Variants in CUL2 observed in about 807,000 individuals in gnomAD.
The protein encoded by CUL2 is cullin-2.
Under a neutral mutation model 110.2 loss-of-function variants are expected in CUL2, and 22 were observed. That is an observed-to-expected ratio of 0.20 (90% confidence interval 0.14 to 0.28). The LOEUF (loss-of-function observed/expected upper bound fraction) is 0.28, where lower values mean the gene tolerates loss of function less well. Among genes scored for constraint, CUL2 ranks in the 10% least tolerant of loss-of-function variants. The pLI, the probability that CUL2 is intolerant of heterozygous loss-of-function variation, is 1.00. For missense variants in CUL2, 631 were observed against 905.5 expected, an observed-to-expected ratio of 0.70 and a Z score of 3.89; for synonymous variants, 279 against 293.2, an observed-to-expected ratio of 0.95 and a Z score of 0.49.
In CUL2 at chr10:35,109,638, A is replaced by G. The variant is rs181263241; in HGVS notation, c.-50-8578T>C. Among the ~76,000 whole-genome samples, 29 of 152,368 alleles carry G rather than the reference A, an allele frequency of 1.9e-4. No homozygotes were observed. The South Asian group carries it at 3.5e-3, about 19-fold the overall frequency. On this transcript the variant is annotated intron_variant, in intron 1 of 5. Coordinates refer to the CUL2 transcript ENST00000685421. ...GGCCAGCCCCACAAACATTTGCAGA[A>G]CAAGATTTCCAAACAGTGGGAGCAG...
intron 2 of CUL2, among the ~76,000 whole-genome samples, chr10:35,066,928 G>A (rs1024224979): frequency 2.0e-5 from 3 of 152,068 alleles, no homozygotes; most frequent in African/African-American, 7.2e-5. Flanking sequence ...ACAGGTACTT[G>A]CCTCAATATT....
chr10:35,119,175 A>T (rs2087644614), intron 1 of CUL2, among the ~76,000 whole-genome samples: 1 of 152,236 alleles, frequency 6.6e-6, no homozygotes, highest in Non-Finnish European at 1.5e-5. Flanking sequence ...AAAGTTTGTT[A>T]AATAATTGTG....
Position 35,016,363 on chromosome 10 carries a change from T to C in CUL2, c.1716A>G (p.Pro572=), listed in dbSNP as rs1331880224. Residue 572 remains proline (P), a synonymous_variant, in exon 18 of 21, where the codon CCA becomes CCG. Transcript: ENST00000374749. The part of the protein sequence containing the change: ...GEVKMNYLGK[P]YVAMVTTYQM... ...GGTATGTTGTAACCATGGCTACATA[T>C]GGTTTGCCCAAATAGTTCATTTTAA... is the stretch of plus-strand genomic sequence containing the variant. 3 of 1,612,594 alleles carry C rather than the reference T, an allele frequency of 1.9e-6. No homozygotes were observed. Among genetic ancestry groups the C allele is most frequent in the South Asian group, 1.1e-5 (1 of 90,796 alleles).
intron 17 of CUL2, among the ~76,000 whole-genome samples, chr10:35,024,577 C>T (rs1301924289): frequency 6.6e-6 from 1 of 152,176 alleles, no homozygotes; most frequent in Non-Finnish European, 1.5e-5. Context: ...CACAATAATT[C>T]AGGTATTAAT....
chr10:35,106,310 T>C (rs903116840), intron 1 of CUL2, among the ~76,000 whole-genome samples: 2 of 151,646 alleles, frequency 1.3e-5, no homozygotes, highest in African/African-American at 4.9e-5. Flanking sequence ...TTTTGTTTTT[T>C]TTTTTGTGGG....
chr10:35,084,245 ACAG>A (rs1315969618), intron 1 of CUL2, among the ~76,000 whole-genome samples: 1 of 152,200 alleles, frequency 6.6e-6, no homozygotes, highest in Admixed American at 6.5e-5. Flanking sequence ...CCACTGCACT[ACAG>A]CTTGGGTGAC....
At chr10:35,119,905 C>T (rs1564759878) in intron 1 of CUL2, 1 of 152,150 alleles carries the variant, frequency 6.6e-6, no homozygotes, top group Non-Finnish European at 1.5e-5. Flanking sequence ...AAACTCTTTT[C>T]CTCAGACTAT....
intron 17 of CUL2, among the ~76,000 whole-genome samples, chr10:35,017,022 A>G (rs1303822561): frequency 6.6e-6 from 1 of 152,082 alleles, no homozygotes; most frequent in Non-Finnish European, 1.5e-5. Context: ...CCCAAACAAT[A>G]AAAGGAGGTG....
At chr10:35,104,977 C>T (rs1466389290) in intron 1 of CUL2, among the ~76,000 whole-genome samples, 2 of 151,828 alleles carry the variant, frequency 1.3e-5, no homozygotes, top group East Asian at 2.0e-4. Context: ...GATCCACCCG[C>T]CTGGGCCTCC....
intron 3 of CUL2, among the ~76,000 whole-genome samples, chr10:35,061,533 T>C (rs1031790009): frequency 1.3e-5 from 2 of 152,008 alleles, no homozygotes; most frequent in Non-Finnish European, 2.9e-5. Flanking sequence ...ATTAATGTCT[T>C]ACATAGTTAT....
At chr10:35,105,494 T>C (rs1396987215) in intron 1 of CUL2, among the ~76,000 whole-genome samples, 1 of 150,380 alleles carries the variant, frequency 6.6e-6, no homozygotes, top group Non-Finnish European at 1.5e-5. Flanking sequence ...ATCCCGCACT[T>C]TGGGAGGGAG....
rs762862659 is a variant in CUL2 at position 35,025,116 on chromosome 10, A to T, written c.1684+16T>A. On this transcript the variant is annotated intron_variant, in intron 17 of 20. Coordinates refer to ENST00000374749, the MANE Select transcript of CUL2 (RefSeq NM_003591.4). Reference sequence around the variant, plus strand: ...GGTAAATTTCATTAAGCCAGATATAATTAAATGCATTTTACCTGTACACAG... The same window carrying T: ...GGTAAATTTCATTAAGCCAGATATATTTAAATGCATTTTACCTGTACACAG... 10 of 1,487,200 alleles carry T rather than the reference A, an allele frequency of 6.7e-6. No homozygotes were observed. The highest frequency in any genetic ancestry group is 8.0e-6 in the Non-Finnish European group (9 of 1,121,534). 92.1% of individuals were successfully genotyped at this position (1,487,200 alleles called of 1,614,324 possible). A position where few individuals can be genotyped will look rare whatever the true frequency, so the allele number is the denominator to read the frequency against.
intron 2 of CUL2, among the ~76,000 whole-genome samples, chr10:35,096,809 CTTTT>C (rs71523358): frequency 7.5e-6 from 1 of 133,066 alleles, no homozygotes. Context: ...TTCAGGTCCA[CTTTT>C]TTTTTTTTTT....
chr10:35,081,200 T>C (rs765487863), intron 1 of CUL2, among the ~76,000 whole-genome samples: 4 of 152,152 alleles, frequency 2.6e-5, no homozygotes, highest in South Asian at 2.1e-4. Context: ...CACTCCAGCC[T>C]GGGCCAAAAG....
At chr10:35,023,942 C>T (rs896483600) in intron 17 of CUL2, among the ~76,000 whole-genome samples, 1 of 152,152 alleles carries the variant, frequency 6.6e-6, no homozygotes, top group Non-Finnish European at 1.5e-5. Context: ...TCAAGTGATC[C>T]TCCCATCTCA....
intron 1 of CUL2, among the ~76,000 whole-genome samples, chr10:35,072,691 CAA>C (rs1441244426): frequency 6.6e-6 from 1 of 152,090 alleles, no homozygotes; most frequent in African/African-American, 2.4e-5. Flanking sequence ...TAAGGGAGTT[CAA>C]AGACTCCTGC....
At chr10:35,019,886 T>C (rs1457570005) in intron 17 of CUL2, among the ~76,000 whole-genome samples, 1 of 152,208 alleles carries the variant, frequency 6.6e-6, no homozygotes, top group Non-Finnish European at 1.5e-5. Context: ...AGGGTATTCA[T>C]GCCAAAGTAT....
chr10:35,018,384 A>T (rs902060563), intron 17 of CUL2, among the ~76,000 whole-genome samples: 1 of 152,038 alleles, frequency 6.6e-6, no homozygotes, highest in African/African-American at 2.4e-5. Context: ...ATTTCTCATA[A>T]AATTACCCCA....
chr10:35,074,945 A>G (rs1037031375), intron 1 of CUL2, among the ~76,000 whole-genome samples: 7 of 152,196 alleles, frequency 4.6e-5, no homozygotes, highest in African/African-American at 1.7e-4. Flanking sequence ...CAATTCTGTA[A>G]CTGCGTACCA....
Sources: allele counts gnomAD v4.1 joint callset (sites outside exome capture counted in the v4.1 genomes callset), GRCh38; gene constraint gnomAD v4.1.1; transcripts MANE v1.5; gene names NCBI Gene and HGNC (gene_info 2026-07-23, HGNC 2026-07-21).